The following DOCK1 variants were observed in gnomAD, a reference collection of about 807,000 sequenced individuals.
DOCK1 encodes the protein dedicator of cytokinesis 1, also known as dedicator of cytokinesis protein 1.
A neutral mutation model predicts 262.7 loss-of-function variants in DOCK1; 138 were observed. That is an observed-to-expected ratio of 0.53 (90% CI 0.46 to 0.61). The LOEUF (loss-of-function observed/expected upper bound fraction) is 0.61, where lower values mean the gene tolerates loss of function less well. Among genes scored for constraint, DOCK1 ranks in the 20% least tolerant of loss-of-function variants. The pLI is 0.00. For synonymous variants in DOCK1, 866 were observed against 867.4 expected, an observed-to-expected ratio of 1.00 and a Z score of 0.03; for missense variants, 1,908 against 2,370.7, an observed-to-expected ratio of 0.80 and a Z score of 4.05.
At chr10:127,265,655 T>G (rs945245994) in intron 29 of DOCK1, among the ~76,000 whole-genome samples, 7 of 152,240 alleles carry the variant, frequency 4.6e-5, no homozygotes, top group African/African-American at 1.7e-4. Context: ...GCAGCTCCTT[T>G]CATGAGGAAA....
intron 27 of DOCK1, among the ~76,000 whole-genome samples, chr10:127,243,096 T>C (rs1253370206): frequency 6.6e-6 from 1 of 152,206 alleles, no homozygotes; most frequent in Non-Finnish European, 1.5e-5. Context: ...AGACAGCTCT[T>C]GTCTGGCTGA....
intron 23 of DOCK1, among the ~76,000 whole-genome samples, chr10:127,099,516 G>T (rs2048108684): frequency 6.6e-6 from 1 of 152,122 alleles, no homozygotes; most frequent in African/African-American, 2.4e-5. Context: ...ATCTGCTTCT[G>T]GTGAGGGCTT....
chr10:127,208,022 C>T (rs1169221981), intron 27 of DOCK1, among the ~76,000 whole-genome samples: 1 of 152,244 alleles, frequency 6.6e-6, no homozygotes, highest in Non-Finnish European at 1.5e-5. Context: ...CACCCGGCCT[C>T]CTCTGCGATT....
At chr10:127,034,194 G>T (rs1336380298) in intron 18 of DOCK1, among the ~76,000 whole-genome samples, 3 of 152,192 alleles carry the variant, frequency 2.0e-5, no homozygotes, top group Non-Finnish European at 4.4e-5. Context: ...TTACAAAAGA[G>T]AGAGGTTTAA....
intron 5 of DOCK1, chr10:126,987,946 G>A (rs2039527006): frequency 4.9e-6 from 1 of 202,882 alleles, no homozygotes; most frequent in Non-Finnish European, 1.0e-5. Context: ...GGGTGTTGAT[G>A]TCACCTTTTA....
At chr10:127,030,265 C>A (rs1020908864) in intron 16 of DOCK1, among the ~76,000 whole-genome samples, 4 of 152,194 alleles carry the variant, frequency 2.6e-5, no homozygotes, top group African/African-American at 9.6e-5. Context: ...CTCTGGTCCT[C>A]TGTTTCTGTG....
intron 29 of DOCK1, among the ~76,000 whole-genome samples, chr10:127,312,770 C>G (rs545805165): frequency 6.6e-6 from 1 of 151,974 alleles, no homozygotes; most frequent in East Asian, 1.9e-4. Context: ...CCCCCATCCT[C>G]CTGGCAGCCA....
intron 27 of DOCK1, among the ~76,000 whole-genome samples, chr10:127,208,204 G>T (rs534287736): frequency 6.6e-6 from 1 of 152,144 alleles, no homozygotes; most frequent in Non-Finnish European, 1.5e-5. Flanking sequence ...TTAGTTATGG[G>T]AATGCTCCAG....
In DOCK1 at chr10:127,444,095, T is replaced by A. The variant is rs185783849; in HGVS notation, c.5260-31T>A. ...ACGCAACTCAGCCCATAACAGACCG[T>A]AACTGTGCTCTTTCTGTCCTTTTGA... On this transcript the variant is annotated intron_variant, in intron 49 of 51. Transcript: ENST00000623213. 8 of 1,551,354 alleles carry A rather than the reference T, an allele frequency of 5.2e-6. No homozygotes were observed. The African/African-American group carries it at 8.2e-5, about 16-fold the overall frequency.
At chr10:127,058,649 A>G (rs1298527219) in intron 22 of DOCK1, among the ~76,000 whole-genome samples, 6 of 151,066 alleles carry the variant, frequency 4.0e-5, no homozygotes, top group Admixed American at 3.9e-4. Flanking sequence ...TGATTTTTAA[A>G]CATATTATTT....
intron 23 of DOCK1, among the ~76,000 whole-genome samples, chr10:127,066,492 G>T (rs904491769): frequency 6.6e-6 from 1 of 152,162 alleles, no homozygotes; most frequent in South Asian, 2.1e-4. Context: ...TTCTTCAGCT[G>T]CCAGGAGAAA....
intron 6 of DOCK1, among the ~76,000 whole-genome samples, chr10:126,992,744 A>T (rs1365042740): frequency 1.5e-5 from 2 of 135,100 alleles, no homozygotes; most frequent in Non-Finnish European, 3.2e-5. Context: ...ACAGACACAC[A>T]CACACACACA....
chr10:127,106,451 C>T, intron 24 of DOCK1, 150 bp downstream of exon 24: 2 of 757,796 alleles, frequency 2.6e-6, no homozygotes, highest in Non-Finnish European at 4.2e-6. Flanking sequence ...CTGGTGGTGT[C>T]TGTGACTCTT....
intron 29 of DOCK1, among the ~76,000 whole-genome samples, chr10:127,298,822 CGTA>C (rs2061586934): frequency 6.6e-6 from 1 of 152,060 alleles, no homozygotes; most frequent in Admixed American, 6.6e-5. Flanking sequence ...TGCATTTTGA[CGTA>C]GGAGGATACC....
At chr10:127,070,566 T>G (rs746026997) in intron 23 of DOCK1, among the ~76,000 whole-genome samples, 66 of 152,038 alleles carry the variant, frequency 4.3e-4, no homozygotes, top group Non-Finnish European at 7.6e-4. Context: ...CGTAACCTTT[T>G]GAAGGACACA....
intron 29 of DOCK1, among the ~76,000 whole-genome samples, chr10:127,332,519 G>A (rs1476987699): frequency 6.6e-6 from 1 of 152,092 alleles, no homozygotes; most frequent in Non-Finnish European, 1.5e-5. Context: ...TTGCCCACAA[G>A]CAAATATGCA....
At chr10:127,405,843 C>T (rs1245257890) in intron 40 of DOCK1, among the ~76,000 whole-genome samples, 1 of 152,202 alleles carries the variant, frequency 6.6e-6, no homozygotes, top group Admixed American at 6.5e-5. Context: ...CTCCTCTTGC[C>T]TTCATCGTGC....
chr10:126,912,727 GA>G (rs66679297), intron 1 of DOCK1, among the ~76,000 whole-genome samples: 104,090 of 126,022 alleles, frequency 0.83, 42,871 homozygotes, highest in East Asian at 0.96. Context: ...CTCCATCTCG[GA>G]AAAAAAAAAA....
chr10:127,120,536 G>C (rs959707753), intron 25 of DOCK1, among the ~76,000 whole-genome samples: 1 of 152,100 alleles, frequency 6.6e-6, no homozygotes, highest in Non-Finnish European at 1.5e-5. Flanking sequence ...ATGATATGAA[G>C]TCTCTGAAGT....
Sources: allele counts gnomAD v4.1 joint callset (sites outside exome capture counted in the v4.1 genomes callset), GRCh38; gene constraint gnomAD v4.1.1; transcripts MANE v1.5; gene names NCBI Gene and HGNC (gene_info 2026-07-23, HGNC 2026-07-21).